The following C13orf46 variants were observed in gnomAD, a reference collection of about 807,000 sequenced individuals.
C13orf46 encodes uncharacterized protein C13orf46.
chr13:113,938,964 G>A, the C13orf46 span, among the ~76,000 whole-genome samples: 1 of 152,070 alleles, frequency 6.6e-6, no homozygotes. Context: ...GCCTCCCTGG[G>A]AACCCAGCCA....
At chr13:113,950,744 G>A (rs1017664580), downstream of C13orf46, among the ~76,000 whole-genome samples, 4 of 152,238 alleles carry the variant, frequency 2.6e-5, no homozygotes, top group Non-Finnish European at 4.4e-5. Context: ...CCACAGCTGG[G>A]TCTGGGGTTC....
downstream of C13orf46, among the ~76,000 whole-genome samples, chr13:113,953,053 T>G (rs2138966562): frequency 1.3e-5 from 2 of 152,336 alleles, no homozygotes; most frequent in East Asian, 3.9e-4. Flanking sequence ...GCCTCACCGC[T>G]GACCATCCTG....
At chr13:113,928,623 C>T in the C13orf46 span, 2 of 152,784 alleles carry the variant, frequency 1.3e-5, no homozygotes, top group African/African-American at 4.8e-5. Flanking sequence ...GCCTCAGTTT[C>T]CTCATCTGTA....
the C13orf46 span, among the ~76,000 whole-genome samples, chr13:113,936,162 G>A: frequency 6.6e-6 from 1 of 152,228 alleles, no homozygotes; most frequent in Non-Finnish European, 1.5e-5. Flanking sequence ...GCCCAGGTGA[G>A]TGTGGCTGCT....
chr13:113,930,239 C>T, the C13orf46 span, among the ~76,000 whole-genome samples: 3 of 152,340 alleles, frequency 2.0e-5, no homozygotes, highest in Non-Finnish European at 2.9e-5. Flanking sequence ...AGCCCATCAT[C>T]AAACACACAG....
the C13orf46 span, among the ~76,000 whole-genome samples, chr13:113,942,512 G>GA: frequency 4.7e-4 from 72 of 152,250 alleles, no homozygotes; most frequent in Non-Finnish European, 8.8e-4. Context: ...ACCTGTAGTT[G>GA]GACACATCAG....
the C13orf46 span, among the ~76,000 whole-genome samples, chr13:113,936,871 G>C: frequency 6.6e-6 from 1 of 152,096 alleles, no homozygotes; most frequent in East Asian, 1.9e-4. Context: ...CCAGTCTTAG[G>C]TTCCACCGTA....
chr13:113,950,091 G>A (rs1417973430), downstream of C13orf46, among the ~76,000 whole-genome samples: 1 of 100,238 alleles, frequency 1.0e-5, no homozygotes, highest in Non-Finnish European at 2.1e-5. Flanking sequence ...CATCTGTAGA[G>A]TGGGGTCATC....
chr13:113,932,409 T>A, the C13orf46 span, among the ~76,000 whole-genome samples: 2 of 152,230 alleles, frequency 1.3e-5, no homozygotes, highest in Non-Finnish European at 2.9e-5. Context: ...TTTGAACATG[T>A]TAGCCATGCT....
Position 113,953,949 on chromosome 13 carries a change from T to C in C13orf46, c.*2824A>G, listed in dbSNP as rs2052500610. On this transcript the variant is annotated 3_prime_UTR_variant, in exon 7 of 7. Coordinates refer to ENST00000636427, the MANE Select transcript of C13orf46 (RefSeq NM_001365455.2). Reference sequence around the variant, plus strand: ...TGGGAAATGATGACTCTGGGGCCGATGGGCACTTATCTTCTGTGGTGTCTT... The same window carrying C: ...TGGGAAATGATGACTCTGGGGCCGACGGGCACTTATCTTCTGTGGTGTCTT... The C allele has an allele frequency of 6.6e-6, 1 of 152,464 alleles. No individual in the cohort carries two copies. Among genetic ancestry groups the C allele is most frequent in the South Asian group, 2.1e-4 (1 of 4,834 alleles). The allele number at this position is 152,464 out of a possible 1,614,324, so 9.4% of individuals were successfully genotyped here.
At chr13:113,950,890 C>T (rs1333750815), downstream of C13orf46, among the ~76,000 whole-genome samples, 2 of 152,226 alleles carry the variant, frequency 1.3e-5, no homozygotes, top group African/African-American at 4.8e-5. Context: ...CCCTGTCTCC[C>T]GGCAGAGCCA....
chr13:113,971,929 C>T (rs536433472), intron 1 of C13orf46, among the ~76,000 whole-genome samples: 7 of 152,286 alleles, frequency 4.6e-5, no homozygotes, highest in African/African-American at 7.2e-5. Flanking sequence ...AGGGAGGATG[C>T]GCTCCTGGGC....
the C13orf46 span, chr13:113,928,377 G>A: frequency 6.6e-6 from 1 of 152,490 alleles, no homozygotes; most frequent in Non-Finnish European, 1.5e-5. Flanking sequence ...GGGCAGGTGG[G>A]GAGGCTCACA....
the C13orf46 span, among the ~76,000 whole-genome samples, chr13:113,938,552 A>G: frequency 7.9e-5 from 12 of 152,084 alleles, no homozygotes; most frequent in Admixed American, 7.8e-4. Context: ...CATCCTCCCT[A>G]AACTCCAGGA....
chr13:113,965,987 CAGTGAT>C (rs2052639411), intron 5 of C13orf46, among the ~76,000 whole-genome samples: 1 of 136,136 alleles, frequency 7.3e-6, no homozygotes, highest in Non-Finnish European at 1.6e-5. Context: ...ATGATGGTGA[CAGTGAT>C]AGTGGTGATG....
intron 6 of C13orf46, among the ~76,000 whole-genome samples, chr13:113,962,029 C>T (rs2052591144): frequency 6.6e-6 from 1 of 152,234 alleles, no homozygotes; most frequent in African/African-American, 2.4e-5. Context: ...TTCCCTGTAA[C>T]AGTCCTGGGG....
chr13:113,956,348 ATCTG>A lies in C13orf46; in HGVS notation c.*421_*424del, dbSNP rs1363597751. The A allele has an allele frequency of 0.29, 34,455 of 118,532 alleles. 5,794 individuals carry two copies. Among genetic ancestry groups the A allele is most frequent in the East Asian group, 0.44 (1,607 of 3,642 alleles). The allele number at this position is 118,532 out of a possible 1,614,324, so 7.3% of individuals were successfully genotyped here. On this transcript the variant is annotated 3_prime_UTR_variant, in exon 7 of 7. Coordinates refer to ENST00000636427, the MANE Select transcript of C13orf46 (RefSeq NM_001365455.2). ...GTAGTATCTGGTGGAGAGGAGTAGTATCTGGTGGAGAGGAGGAGCATCTGGTGGA... is the reference window on the plus strand; with the variant it reads ...GTAGTATCTGGTGGAGAGGAGTAGTAGTGGAGAGGAGGAGCATCTGGTGGA...
In C13orf46 at chr13:113,956,492, G is replaced by A. The variant is rs907269952; in HGVS notation, c.*281C>T. ...GTCATCACTCACCCAGTGGGCAGTGGGTTTCAGGCGTGGCTCACACCTGGT... is the reference window on the plus strand; with the variant it reads ...GTCATCACTCACCCAGTGGGCAGTGAGTTTCAGGCGTGGCTCACACCTGGT... On this transcript the variant is annotated 3_prime_UTR_variant, in exon 7 of 7. Transcript: ENST00000636427. 52 of 154,156 alleles carry A rather than the reference G, an allele frequency of 3.4e-4. No homozygotes were observed. The highest frequency in any genetic ancestry group is 1.2e-3 in the African/African-American group (50 of 41,556). 9.5% of individuals were successfully genotyped at this position (154,156 alleles called of 1,614,324 possible).
chr13:113,945,575 A>AG, the C13orf46 span, among the ~76,000 whole-genome samples: 184 of 89,088 alleles, frequency 2.1e-3, 3 homozygotes, highest in African/African-American at 5.0e-3. Context: ...GAAAGAAAGA[A>AG]AGAGAGAGAG....
Sources: gnomAD v4.1 joint callset for allele counts (sites outside exome capture counted in the v4.1 genomes callset) on GRCh38, gnomAD v4.1.1 for gene constraint, MANE v1.5 for transcripts, NCBI Gene and HGNC (gene_info 2026-07-23, HGNC 2026-07-21) for gene names.